SLC22A23: variants seen among roughly 807,000 people sequenced by gnomAD.
The protein encoded by SLC22A23 is solute carrier family 22 member 23, also known as ion transporter protein.
A neutral mutation model predicts 61.0 loss-of-function variants in SLC22A23; 26 were observed. The ratio of observed to expected loss-of-function variants is 0.43; its 90% CI spans 0.31 to 0.59. The LOEUF is 0.59. Among genes scored for constraint, SLC22A23 ranks in the 20% least tolerant of loss-of-function variants. The probability of loss-of-function intolerance (pLI) is 0.11; values close to 1 mark genes in which losing one functional copy is unlikely to be tolerated. For synonymous variants in SLC22A23, 430 were observed against 413.9 expected (o/e 1.04, Z -0.47); for missense variants, 796 against 934.7 (o/e 0.85, Z 1.94).
chr6:3,314,973 T>C (rs9392481), intron 4 of SLC22A23, among the ~76,000 whole-genome samples: 49,507 of 152,098 alleles, frequency 0.33, 8,729 homozygotes, highest in East Asian at 0.59. Flanking sequence ...TATCGTCTTA[T>C]TGCTTTCCCA....
At chr6:3,403,933 G>A (rs1175990477) in intron 3 of SLC22A23, among the ~76,000 whole-genome samples, 1 of 152,196 alleles carries the variant, frequency 6.6e-6, no homozygotes, top group Non-Finnish European at 1.5e-5. Context: ...CTCACAATCT[G>A]TCACGGTCAC....
rs779907056 is a variant in SLC22A23 at position 3,342,297 on chromosome 6, T to C, written c.914-18295A>G. 6.6e-6 allele frequency among the ~76,000 whole-genome samples: 1 copy of C among 152,214 alleles called. No individual in the cohort carries two copies. The highest frequency in any genetic ancestry group is 2.4e-5 in the African/African-American group (1 of 41,454). The stretch of plus-strand genomic sequence containing the variant: ...AACATAACTCTTTTTCAAAAAGTCA[T>C]TGGGTGGCCAACAAATTGAGATAAA... On this transcript the variant is annotated intron_variant, in intron 3 of 9. Transcript: ENST00000406686. The surrounding 1 kb of genome is among the most constrained non-coding windows in gnomAD (Gnocchi z 4.0).
At chr6:3,455,779 C>T (rs1015352720) in intron 1 of SLC22A23, 127 bp downstream of exon 1, 2 of 1,163,544 alleles carry the variant, frequency 1.7e-6, no homozygotes, top group Non-Finnish European at 2.3e-6. Flanking sequence ...GAGATTAAGC[C>T]AATGCGGAAT....
intron 1 of SLC22A23, among the ~76,000 whole-genome samples, chr6:3,441,236 G>A (rs1168504337): frequency 6.6e-6 from 1 of 152,186 alleles, no homozygotes; most frequent in Non-Finnish European, 1.5e-5. Flanking sequence ...TCAGGGGCTG[G>A]CTTGAGGGGC....
Position 3,344,745 on chromosome 6 carries a change from G to A in SLC22A23, c.914-20743C>T, listed in dbSNP as rs139825880. Among the ~76,000 whole-genome samples the A allele has an allele frequency of 3.2e-3, 489 of 152,308 alleles. 1 individual carries two copies. Among genetic ancestry groups the A allele is most frequent in the African/African-American group, 0.011 (456 of 41,562 alleles). ...AAATAAGTAAGCGTTAGGCAATCAC[G>A]AACTCCTTCAGTATCACATTTTGGT... On this transcript the variant is annotated intron_variant, in intron 3 of 9. Coordinates refer to ENST00000406686, the MANE Select transcript of SLC22A23 (RefSeq NM_015482.2).
chr6:3,396,929 T>C (rs1275979109), intron 3 of SLC22A23, among the ~76,000 whole-genome samples: 2 of 152,174 alleles, frequency 1.3e-5, no homozygotes, highest in Non-Finnish European at 2.9e-5. Context: ...GAAAGCCCTG[T>C]GTCCTTGCAA....
rs537719149 is a variant in SLC22A23, at chr6:3,439,909, TC to T, written c.654+15996del. Among the ~76,000 whole-genome samples the T allele has an allele frequency of 8.0e-4, 122 of 152,170 alleles. 2 individuals are homozygous for T. Among genetic ancestry groups the T allele is most frequent in the African/African-American group, 2.7e-3 (113 of 41,502 alleles). On this transcript the variant is annotated intron_variant, in intron 1 of 9. Transcript: ENST00000406686. Reference sequence around the variant, plus strand: ...CAGCATTGTTTGGGAAATAAACAAATCGGTGGGTGGAGCTCTGGGGTCCCTG... The same window carrying T: ...CAGCATTGTTTGGGAAATAAACAAATGGTGGGTGGAGCTCTGGGGTCCCTG...
chr6:3,409,924 C>T (rs956714944), intron 3 of SLC22A23, among the ~76,000 whole-genome samples: 9 of 152,128 alleles, frequency 5.9e-5, no homozygotes, highest in Non-Finnish European at 8.8e-5. Flanking sequence ...AGGAAAGAAC[C>T]GATCGCCACT....
intron 6 of SLC22A23, among the ~76,000 whole-genome samples, chr6:3,289,138 G>A (rs1333164101): frequency 6.6e-6 from 1 of 152,180 alleles, no homozygotes; most frequent in Non-Finnish European, 1.5e-5. Context: ...GCACAGTCAG[G>A]GCCACTGAGC....
At chr6:3,320,826 A>G (rs559366343) in intron 4 of SLC22A23, among the ~76,000 whole-genome samples, 2 of 152,346 alleles carry the variant, frequency 1.3e-5, no homozygotes, top group African/African-American at 4.8e-5. Flanking sequence ...GGATGCAATA[A>G]TAACAATAGC....
chr6:3,315,593 T>C (rs372655915), intron 4 of SLC22A23, among the ~76,000 whole-genome samples: 1 of 152,120 alleles, frequency 6.6e-6, no homozygotes, highest in East Asian at 1.9e-4. Flanking sequence ...CGGCTGGGCA[T>C]GGTGGCTCAC....
At position 3,272,797 on chromosome 6, in the gene SLC22A23, T is replaced by A; in HGVS notation, c.*258A>T. ...GTGAGAGGGAGAGGGAATAAAGTGC[T>A]TCTCGTAAAAATGACCAAAATAAAT... is the stretch of plus-strand genomic sequence containing the variant. On this transcript the variant is annotated 3_prime_UTR_variant, in exon 10 of 10. Coordinates refer to ENST00000406686, the MANE Select transcript of SLC22A23 (RefSeq NM_015482.2). 1 of 387,224 alleles carries A rather than the reference T, an allele frequency of 2.6e-6. No homozygotes were observed. Among genetic ancestry groups the A allele is most frequent in the East Asian group, 4.6e-5 (1 of 21,784 alleles). 24.0% of individuals were successfully genotyped at this position (387,224 alleles called of 1,614,324 possible).
In SLC22A23 at chr6:3,350,443, T is replaced by C. The variant is rs775617258; in HGVS notation, c.914-26441A>G. Among the ~76,000 whole-genome samples the C allele has an allele frequency of 5.3e-5, 8 of 152,188 alleles. No individual in the cohort carries two copies. The East Asian group carries it at 5.8e-4, about 11-fold the overall frequency. ...TCTCTTGTGTGAAGTTTATGTGAAATTGAAATTTTAGTGTCGACAAATGCG... is the reference window on the plus strand; with the variant it reads ...TCTCTTGTGTGAAGTTTATGTGAAACTGAAATTTTAGTGTCGACAAATGCG... On this transcript the variant is annotated intron_variant, in intron 3 of 9. Transcript: ENST00000406686.
chr6:3,278,195 A>G (rs1438812917), intron 9 of SLC22A23, among the ~76,000 whole-genome samples: 1 of 152,244 alleles, frequency 6.6e-6, no homozygotes, highest in Non-Finnish European at 1.5e-5. Context: ...ATAGAAAACC[A>G]AGATACTCGG....
intron 1 of SLC22A23, among the ~76,000 whole-genome samples, chr6:3,442,158 G>A (rs893508872): frequency 2.0e-5 from 3 of 152,178 alleles, no homozygotes; most frequent in African/African-American, 7.2e-5. Context: ...ACATCACGCT[G>A]AGCGACATGA....
At chr6:3,363,556 G>A (rs1450419925) in intron 3 of SLC22A23, among the ~76,000 whole-genome samples, 5 of 152,238 alleles carry the variant, frequency 3.3e-5, no homozygotes, top group African/African-American at 1.2e-4. Context: ...TGCTGCCTGC[G>A]GCTGGCCCTG....
chr6:3,276,279 G>A (rs1171617889), intron 9 of SLC22A23, among the ~76,000 whole-genome samples: 1 of 152,216 alleles, frequency 6.6e-6, no homozygotes, highest in African/African-American at 2.4e-5. Flanking sequence ...GGGCAGCCTT[G>A]CCAGGCTTGC....
intron 2 of SLC22A23, among the ~76,000 whole-genome samples, chr6:3,411,631 CA>C (rs35882839): frequency 0.24 from 35,026 of 146,632 alleles, 4,193 homozygotes; most frequent in African/African-American, 0.29. Flanking sequence ...AATAAAACTT[CA>C]AAAAAAAAAA....
chr6:3,280,686 A>G (rs1207957420), intron 9 of SLC22A23, among the ~76,000 whole-genome samples: 1 of 151,346 alleles, frequency 6.6e-6, no homozygotes, highest in Non-Finnish European at 1.5e-5. Flanking sequence ...TTTAGTAGAG[A>G]CGGGGTTTCA....
Sources: gnomAD v4.1 joint callset for allele counts (sites outside exome capture counted in the v4.1 genomes callset) on GRCh38, gnomAD v4.1.1 for gene constraint, Gnocchi (gnomAD v3.1) non-coding constraint, MANE v1.5 for transcripts, NCBI Gene and HGNC (gene_info 2026-07-23, HGNC 2026-07-21) for gene names.